The following SPPL3 variants were observed in gnomAD, a reference collection of about 807,000 sequenced individuals.
SPPL3 encodes the protein signal peptide peptidase like 3, also known as signal peptide peptidase-like 3.
Under a neutral mutation model 42.4 loss-of-function variants are expected in SPPL3, and 5 were observed. The observed-to-expected ratio is 0.12, with a 90% CI of 0.06 to 0.25. The LOEUF (loss-of-function observed/expected upper bound fraction) is 0.25, where lower values mean the gene tolerates loss of function less well. Ranked by LOEUF, SPPL3 falls within the 10% of genes least tolerant of loss-of-function variation. SPPL3 has a pLI of 1.00. For missense variants in SPPL3, 235 were observed against 489.0 expected (o/e 0.48, Z 4.90); for synonymous variants, 195 against 181.8 (o/e 1.07, Z -0.58).
At chr12:120,769,335 T>G in intron 6 of SPPL3, 1 of 316,456 alleles carries the variant, frequency 3.2e-6, no homozygotes, top group Non-Finnish European at 6.0e-6. Context: ...CCAAGCTCTC[T>G]TTTCCTGCCT....
At chr12:120,787,212 T>C (rs1204721790) in intron 3 of SPPL3, among the ~76,000 whole-genome samples, 1 of 152,188 alleles carries the variant, frequency 6.6e-6, no homozygotes, top group African/African-American at 2.4e-5. Context: ...AAGTTTACAA[T>C]CTAAGCAAGA....
intron 1 of SPPL3, among the ~76,000 whole-genome samples, chr12:120,817,536 A>G (rs1870923204): frequency 6.6e-6 from 1 of 152,202 alleles, no homozygotes; most frequent in Non-Finnish European, 1.5e-5. Context: ...ACATATATGA[A>G]GGTAAGCCAT....
intron 1 of SPPL3, among the ~76,000 whole-genome samples, chr12:120,819,096 A>G (rs573136845): frequency 2.0e-5 from 3 of 151,978 alleles, no homozygotes; most frequent in Admixed American, 1.3e-4. Context: ...GTTGGAAAAG[A>G]AGGAGTACTT....
Position 120,764,852 on chromosome 12 carries a change from G to T in SPPL3, c.*147C>A. On this transcript the variant is annotated 3_prime_UTR_variant, in exon 11 of 11. Coordinates refer to ENST00000353487, the MANE Select transcript of SPPL3 (RefSeq NM_139015.5). The stretch of plus-strand genomic sequence containing the variant: ...TCCAGCACCTCTCTCCTGCAAACGA[G>T]CTCCCTTTAAATGCCAAATCCAGTC... The T allele has an allele frequency of 2.4e-6, 2 of 819,262 alleles. No homozygotes were observed. The highest frequency in any genetic ancestry group is 3.7e-6 in the Non-Finnish European group (2 of 539,856). 50.7% of individuals were successfully genotyped at this position (819,262 alleles called of 1,614,324 possible).
intron 1 of SPPL3, among the ~76,000 whole-genome samples, chr12:120,823,135 C>T (rs565376913): frequency 1.4e-4 from 20 of 144,030 alleles, no homozygotes; most frequent in African/African-American, 5.1e-4. Context: ...AGTGATCATG[C>T]GTGCAAGAGA....
intron 2 of SPPL3, among the ~76,000 whole-genome samples, chr12:120,800,593 A>T (rs1344915969): frequency 6.6e-6 from 1 of 152,050 alleles, no homozygotes; most frequent in Non-Finnish European, 1.5e-5. Context: ...TTCATCACAG[A>T]CAACCATTTA....
chr12:120,776,695 C>T (rs1410761441), intron 6 of SPPL3, among the ~76,000 whole-genome samples: 1 of 152,070 alleles, frequency 6.6e-6, no homozygotes, highest in Admixed American at 6.6e-5. Context: ...TGAGAAACAG[C>T]TCATCTTTTT....
chr12:120,902,496 G>C (rs1307034830), intron 1 of SPPL3, among the ~76,000 whole-genome samples: 8 of 152,158 alleles, frequency 5.3e-5, no homozygotes, highest in Admixed American at 2.0e-4. Flanking sequence ...AGTTTGCCAA[G>C]TGCTTTCTAA....
chr12:120,772,014 T>TAA, intron 6 of SPPL3, among the ~76,000 whole-genome samples: 1 of 152,334 alleles, frequency 6.6e-6, no homozygotes, highest in South Asian at 2.1e-4. Flanking sequence ...AACCAGTCAG[T>TAA]TGCTGCTGCT....
At chr12:120,827,187 T>C (rs1421933150) in intron 1 of SPPL3, among the ~76,000 whole-genome samples, 2 of 151,992 alleles carry the variant, frequency 1.3e-5, no homozygotes, top group Non-Finnish European at 2.9e-5. Flanking sequence ...ACAAAAGTTA[T>C]CTGAACTTCT....
chr12:120,900,479 C>T (rs771416094), intron 1 of SPPL3, among the ~76,000 whole-genome samples: 6 of 151,726 alleles, frequency 4.0e-5, no homozygotes, highest in Non-Finnish European at 8.8e-5. Context: ...GTGGGGCACA[C>T]CTGTAGTTCC....
At chr12:120,793,647 GA>G (rs1471733205) in intron 2 of SPPL3, among the ~76,000 whole-genome samples, 2 of 152,320 alleles carry the variant, frequency 1.3e-5, no homozygotes, top group African/African-American at 4.8e-5. Context: ...TTGGAAAACA[GA>G]ATCTAACCAT....
At chr12:120,831,069 TTCTCTCTC>T (rs375855863) in intron 1 of SPPL3, among the ~76,000 whole-genome samples, 2 of 149,724 alleles carry the variant, frequency 1.3e-5, no homozygotes, top group African/African-American at 4.9e-5. Flanking sequence ...GAAGGGCAAA[TTCTCTCTC>T]TCTCTCTCTC....
At chr12:120,831,433 T>C (rs764041700) in intron 1 of SPPL3, among the ~76,000 whole-genome samples, 8 of 152,198 alleles carry the variant, frequency 5.3e-5, no homozygotes, top group Non-Finnish European at 1.0e-4. Flanking sequence ...ATGTCCACTC[T>C]TCATAAGTCC....
chr12:120,893,998 A>G (rs769875038), intron 1 of SPPL3, among the ~76,000 whole-genome samples: 31 of 152,342 alleles, frequency 2.0e-4, no homozygotes, highest in African/African-American at 5.5e-4. Context: ...CTTTACTTCT[A>G]AAAGTAGTAT....
intron 1 of SPPL3, among the ~76,000 whole-genome samples, chr12:120,879,703 T>C (rs753326593): frequency 2.2e-4 from 34 of 152,248 alleles, no homozygotes; most frequent in African/African-American, 6.3e-4. Context: ...TGTGTTCAAA[T>C]GCTACATGTG....
Position 120,782,765 on chromosome 12 carries a change from A to G in SPPL3, c.392T>C (p.Ile131Thr). 1 of 1,600,408 alleles carries G rather than the reference A, an allele frequency of 6.2e-7. No individual in the cohort carries two copies. Among genetic ancestry groups the G allele is most frequent in the Non-Finnish European group, 8.5e-7 (1 of 1,172,164 alleles). ...GAAACGTCCACAGCAACCAAAGGAA[A>G]TCCTGGAAAACACACAACACTTATT... Reference protein sequence around the residue: ...LTRPCSPQNKISFGCCGRFTA... With the variant: ...LTRPCSPQNKTSFGCCGRFTA... Residue 131 changes from isoleucine to threonine, a missense_variant and splice_region_variant, in exon 6 of 11, where the codon ATT becomes ACT. Around this residue, in one of 6 missense-constraint regions of SPPL3, gnomAD observed 110 missense variants for 186.2 expected, o/e 0.59. Transcript: ENST00000353487.
At chr12:120,879,305 T>A (rs1873211543) in intron 1 of SPPL3, among the ~76,000 whole-genome samples, 1 of 151,956 alleles carries the variant, frequency 6.6e-6, no homozygotes, top group Admixed American at 6.6e-5. Context: ...TCTCCCCCGC[T>A]CCAAAAGCTG....
intron 3 of SPPL3, among the ~76,000 whole-genome samples, chr12:120,785,699 G>T (rs1869697407): frequency 6.6e-6 from 1 of 151,792 alleles, no homozygotes; most frequent in African/African-American, 2.4e-5. Flanking sequence ...GGCTGGGTGT[G>T]GTGGCTCATG....
Sources: gnomAD v4.1 joint callset for allele counts (sites outside exome capture counted in the v4.1 genomes callset) on GRCh38, gnomAD v4.1.1 for gene constraint, gnomAD v4.1.1 regional missense constraint, MANE v1.5 for transcripts, NCBI Gene and HGNC (gene_info 2026-07-23, HGNC 2026-07-21) for gene names.